Variants in IP6K1 observed in about 807,000 individuals in gnomAD.
IP6K1 encodes inositol hexakisphosphate kinase 1, also known as ATP:1D-myo-inositol-hexakisphosphate phosphotransferase.
A neutral mutation model predicts 38.3 loss-of-function variants in IP6K1; 13 were observed. That is an observed-to-expected ratio of 0.34 (90% CI 0.22 to 0.54). The LOEUF (loss-of-function observed/expected upper bound fraction) is 0.54. Ranked by LOEUF, IP6K1 falls within the 20% of genes least tolerant of loss-of-function variation. The probability of loss-of-function intolerance (pLI) is 0.92; values close to 1 mark genes in which losing one functional copy is unlikely to be tolerated. For missense variants in IP6K1, 397 were observed against 599.8 expected, an observed-to-expected ratio of 0.66 and a Z score of 3.53; for synonymous variants, 212 against 229.9, an observed-to-expected ratio of 0.92 and a Z score of 0.70.
chr3:49,739,801 G>C (rs9859593), intron 2 of IP6K1, among the ~76,000 whole-genome samples: 1 of 152,050 alleles, frequency 6.6e-6, no homozygotes, highest in South Asian at 2.1e-4. Context: ...CCTCACCTGA[G>C]ATCAGGAGTT....
chr3:49,776,840 T>C (rs1278223186), intron 1 of IP6K1, among the ~76,000 whole-genome samples: 1 of 152,184 alleles, frequency 6.6e-6, no homozygotes. Flanking sequence ...AACGCAAATT[T>C]AATCTACAGT....
intron 2 of IP6K1, among the ~76,000 whole-genome samples, chr3:49,739,908 AG>A: frequency 6.6e-6 from 1 of 152,170 alleles, no homozygotes; most frequent in Non-Finnish European, 1.5e-5. Flanking sequence ...CCAGCTACTC[AG>A]GAGGCTGAGG....
At position 49,727,024 on chromosome 3, in the gene IP6K1, C is replaced by T. The variant is rs1394645098; in HGVS notation, c.*98G>A. 2 of 1,189,510 alleles carry T rather than the reference C, an allele frequency of 1.7e-6. No homozygotes were observed. The highest frequency in any genetic ancestry group is 1.5e-5 in the African/African-American group (1 of 65,364). The allele number at this position is 1,189,510 out of a possible 1,614,324, so 73.7% of individuals were successfully genotyped here. A position where few individuals can be genotyped will look rare whatever the true frequency, so the allele number is the denominator to read the frequency against. ...TAGTTTACACCAAAGAGAAATATAA[C>T]CCTTTAAAAGCAAGTCTGTGTGTCC... On this transcript the variant is annotated 3_prime_UTR_variant, in exon 6 of 6. Transcript: ENST00000321599. This position sits in a 1 kb window ranked among gnomAD's most constrained non-coding sequence, Gnocchi z 5.9.
At chr3:49,774,407 CAAAAAAA>C (rs777187857) in intron 1 of IP6K1, among the ~76,000 whole-genome samples, 17 of 44,300 alleles carry the variant, frequency 3.8e-4, no homozygotes, top group South Asian at 2.6e-3. Context: ...GACTCCATCT[CAAAAAAA>C]AAAAAAAAAA....
chr3:49,765,179 T>C (rs1023593323), intron 1 of IP6K1, among the ~76,000 whole-genome samples: 3 of 151,952 alleles, frequency 2.0e-5, no homozygotes, highest in Non-Finnish European at 2.9e-5. Flanking sequence ...GAAAGAGAAA[T>C]TAAGACATTT....
At chr3:49,754,508 A>T (rs1311595552) in intron 1 of IP6K1, among the ~76,000 whole-genome samples, 2 of 152,234 alleles carry the variant, frequency 1.3e-5, no homozygotes. Flanking sequence ...ACATAGCAAG[A>T]TGCTGTCTCA....
intron 1 of IP6K1, among the ~76,000 whole-genome samples, chr3:49,765,452 C>T (rs561210554): frequency 7.7e-4 from 101 of 131,514 alleles, no homozygotes; most frequent in South Asian, 2.4e-3. Flanking sequence ...CCATCCTGGC[C>T]AACATGGTCA....
intron 1 of IP6K1, among the ~76,000 whole-genome samples, chr3:49,753,600 T>A (rs535618643): frequency 6.6e-6 from 1 of 152,198 alleles, no homozygotes; most frequent in Non-Finnish European, 1.5e-5. Flanking sequence ...TAAATCTGGC[T>A]GAATAAATAT....
intron 3 of IP6K1, among the ~76,000 whole-genome samples, chr3:49,735,253 G>A (rs1306478682): frequency 6.6e-6 from 1 of 152,180 alleles, no homozygotes; most frequent in Non-Finnish European, 1.5e-5. Context: ...TACTTGGGAG[G>A]CTGAGGTGAG....
chr3:49,783,712 C>CAAAA (rs10713526), intron 1 of IP6K1, among the ~76,000 whole-genome samples: 1 of 122,080 alleles, frequency 8.2e-6, no homozygotes, highest in African/African-American at 2.9e-5. Flanking sequence ...GATTCCGTCT[C>CAAAA]AAAAAAAAAA....
chr3:49,770,424 T>C (rs907255470), intron 1 of IP6K1, among the ~76,000 whole-genome samples: 11 of 152,058 alleles, frequency 7.2e-5, no homozygotes, highest in African/African-American at 2.4e-4. Context: ...ACTAGAAAGC[T>C]TGTAGGTGAA....
At chr3:49,754,245 G>A (rs1301442298) in intron 1 of IP6K1, among the ~76,000 whole-genome samples, 1 of 151,938 alleles carries the variant, frequency 6.6e-6, no homozygotes, top group Non-Finnish European at 1.5e-5. Flanking sequence ...GCGTGGTGGT[G>A]TACACCTATA....
At chr3:49,747,431 G>T (rs1261247937) in intron 2 of IP6K1, among the ~76,000 whole-genome samples, 1 of 152,052 alleles carries the variant, frequency 6.6e-6, no homozygotes, top group Non-Finnish European at 1.5e-5. Flanking sequence ...ATAGACACAG[G>T]ATACACACAG....
chr3:49,738,849 A>G (rs1035728575), intron 2 of IP6K1, among the ~76,000 whole-genome samples: 11 of 152,096 alleles, frequency 7.2e-5, no homozygotes, highest in African/African-American at 2.7e-4. Flanking sequence ...AGCCAAAGGG[A>G]CATCAACACT....
chr3:49,731,315 G>A (rs1006585896), intron 4 of IP6K1, among the ~76,000 whole-genome samples: 1 of 152,064 alleles, frequency 6.6e-6, no homozygotes, highest in Non-Finnish European at 1.5e-5. Context: ...ATCCATCTCT[G>A]GGTGCTACAG....
At chr3:49,745,477 C>T (rs548477003) in intron 2 of IP6K1, among the ~76,000 whole-genome samples, 2 of 152,296 alleles carry the variant, frequency 1.3e-5, no homozygotes, top group South Asian at 4.1e-4. Flanking sequence ...AATCCCAACA[C>T]TTTGGGAGGC....
chr3:49,748,835 T>C (rs1259926134), intron 1 of IP6K1: 4 of 152,272 alleles, frequency 2.6e-5, no homozygotes, highest in African/African-American at 9.6e-5. Flanking sequence ...TATTACTACA[T>C]TGTAATATAC....
chr3:49,748,024 G>A lies in IP6K1; in HGVS notation c.17C>T (p.Thr6Ile). 3 of 1,613,390 alleles carry A rather than the reference G, an allele frequency of 1.9e-6. No individual in the cohort carries two copies. Among genetic ancestry groups the A allele is most frequent in the Non-Finnish European group, 2.5e-6 (3 of 1,180,044 alleles). MCVCQ[T>I]MEVGQYGKNA... ...CTTGCCATACTGCCCCACTTCCATG[G>A]TTTGACAAACACACATTGCGTTGGG... The change falls in exon 2 of 6, where the codon ACC (threonine) becomes ATC (isoleucine). Residue 6 changes from threonine to isoleucine, a missense_variant. Thr to Ile is a moderately conservative substitution (Grantham distance 89, BLOSUM62 -1). Coordinates refer to ENST00000321599, the MANE Select transcript of IP6K1 (RefSeq NM_153273.4).
chr3:49,734,223 T>C (rs2080586700), intron 3 of IP6K1, among the ~76,000 whole-genome samples: 1 of 152,058 alleles, frequency 6.6e-6, no homozygotes, highest in African/African-American at 2.4e-5. Context: ...ACTGGAACTT[T>C]GCCAACAATT....
Sources: allele counts gnomAD v4.1 joint callset (sites outside exome capture counted in the v4.1 genomes callset), GRCh38; gene constraint gnomAD v4.1.1; non-coding constraint Gnocchi (gnomAD v3.1); transcripts MANE v1.5; gene names NCBI Gene and HGNC (gene_info 2026-07-23, HGNC 2026-07-21).